GLIS3: variants seen among roughly 807,000 people sequenced by gnomAD.
The protein encoded by GLIS3 is GLIS family zinc finger 3.
In GLIS3, 53 loss-of-function variants were observed where a neutral mutation model predicts 78.6. The observed-to-expected ratio is 0.67, with a 90% CI of 0.54 to 0.85. The LOEUF (loss-of-function observed/expected upper bound fraction) is 0.85, where lower values mean the gene tolerates loss of function less well. Ranked by LOEUF, GLIS3 falls within the 40% of genes least tolerant of loss-of-function variation. GLIS3 has a pLI of 0.00. For synonymous variants in GLIS3, 684 were observed against 509.9 expected (o/e 1.34, Z -4.60); for missense variants, 1,703 against 1,231.1 (o/e 1.38, Z -5.74).
In GLIS3 at chr9:3,983,969, G is replaced by A. The variant is rs539600763; in HGVS notation, c.1711-46780C>T. 1.3e-4 allele frequency among the ~76,000 whole-genome samples: 20 copies of A among 152,352 alleles called. No homozygotes were observed. The East Asian group carries it at 3.7e-3, about 28-fold the overall frequency. ...AAATGTTAATCCCAAAGACAATGGG[G>A]AAAATGTCTCCAGGGCATGTCAGAG... is the stretch of plus-strand genomic sequence containing the variant. On this transcript the variant is annotated intron_variant, in intron 4 of 10. Coordinates refer to ENST00000381971, the MANE Select transcript of GLIS3 (RefSeq NM_001042413.2).
intron 6 of GLIS3, among the ~76,000 whole-genome samples, chr9:3,903,256 T>C (rs1823443324): frequency 6.6e-6 from 1 of 152,212 alleles, no homozygotes; most frequent in African/African-American, 2.4e-5. Context: ...TGAGGCTCAT[T>C]TCTTAAAAAC....
chr9:4,352,465 G>T (rs908549481), upstream of GLIS3, among the ~76,000 whole-genome samples: 2 of 152,262 alleles, frequency 1.3e-5, no homozygotes, highest in East Asian at 3.8e-4. Flanking sequence ...GGCATGGTGG[G>T]GCATCTTTTG....
chr9:3,988,150 T>C (rs1001486066), intron 4 of GLIS3, among the ~76,000 whole-genome samples: 6 of 152,072 alleles, frequency 3.9e-5, no homozygotes, highest in African/African-American at 1.4e-4. Flanking sequence ...AGGAGAGACT[T>C]GTCAACTGTG....
At chr9:4,377,408 G>A in the GLIS3 span, among the ~76,000 whole-genome samples, 1 of 135,718 alleles carries the variant, frequency 7.4e-6, no homozygotes, top group African/African-American at 2.6e-5. Context: ...AGTTACACCA[G>A]TTGTTTGCTG....
chr9:3,836,554 G>T (rs1424446615), intron 9 of GLIS3, among the ~76,000 whole-genome samples: 4 of 152,136 alleles, frequency 2.6e-5, no homozygotes, highest in Non-Finnish European at 5.9e-5. Context: ...ATGGCTCTTT[G>T]TGGATTCCCC....
intron 2 of GLIS3, among the ~76,000 whole-genome samples, chr9:4,273,342 T>G (rs1322130174): frequency 1.3e-5 from 2 of 152,132 alleles, no homozygotes; most frequent in African/African-American, 4.8e-5. Flanking sequence ...TGTCTGTAAT[T>G]CCAGCATTTC....
Position 3,937,117 on chromosome 9 carries a change from T to A in GLIS3, c.1783A>T (p.Lys595Ter). The change falls in exon 5 of 11, where the codon AAG becomes TAG. Residue 595 changes from lysine to a stop codon, truncating the protein, a stop_gained. Transcript: ENST00000381971. LOFTEE classifies it high-confidence loss of function. ...KIHLRSHTGE[K>*]PYLCQHPGCQ... is the part of the protein sequence containing the mutation. ...CCCGGATGCTGGCACAAATACGGCTTCTCGCCTGTGTGGCTCCGCAAGTGG... is the reference window on the plus strand; with the variant it reads ...CCCGGATGCTGGCACAAATACGGCTACTCGCCTGTGTGGCTCCGCAAGTGG... 1 of 1,614,112 alleles carries A rather than the reference T, an allele frequency of 6.2e-7. No homozygotes were observed. The highest frequency in any genetic ancestry group is 8.5e-7 in the Non-Finnish European group (1 of 1,180,022).
intron 8 of GLIS3, among the ~76,000 whole-genome samples, chr9:3,875,020 G>A (rs1821223640): frequency 6.6e-6 from 1 of 152,094 alleles, no homozygotes; most frequent in South Asian, 2.1e-4. Context: ...CAAACTCAGA[G>A]GATTTATTCT....
the GLIS3 span, among the ~76,000 whole-genome samples, chr9:4,465,281 C>T: frequency 6.0e-3 from 910 of 152,368 alleles, 6 homozygotes; most frequent in Non-Finnish European, 9.9e-3. Flanking sequence ...GGCACGGTGG[C>T]TTATGCCTGT....
At chr9:4,349,962 G>T (rs1290319042), upstream of GLIS3, among the ~76,000 whole-genome samples, 1 of 152,210 alleles carries the variant, frequency 6.6e-6, no homozygotes, top group Non-Finnish European at 1.5e-5. Flanking sequence ...GGCTGTGGGT[G>T]GGCAGCCCAG....
chr9:4,274,224 G>A (rs1826784667), intron 2 of GLIS3, among the ~76,000 whole-genome samples: 1 of 152,190 alleles, frequency 6.6e-6, no homozygotes, highest in South Asian at 2.1e-4. Context: ...GAATGTCAAT[G>A]TACACTTGCA....
intron 9 of GLIS3, among the ~76,000 whole-genome samples, chr9:3,832,400 G>C (rs10758483): frequency 0.62 from 94,228 of 151,958 alleles, 29,945 homozygotes; most frequent in African/African-American, 0.76. Flanking sequence ...TGGCATACCC[G>C]CTGTTCCTAG....
intron 4 of GLIS3, among the ~76,000 whole-genome samples, chr9:3,954,298 G>A (rs950066816): frequency 6.6e-6 from 1 of 152,160 alleles, no homozygotes; most frequent in Non-Finnish European, 1.5e-5. Flanking sequence ...GAAGCTCCTC[G>A]ATAAAGAGGC....
intron 2 of GLIS3, among the ~76,000 whole-genome samples, chr9:4,273,286 C>G (rs895444068): frequency 1.1e-4 from 16 of 152,166 alleles, no homozygotes; most frequent in Non-Finnish European, 4.4e-5. Context: ...CCTGCCCTAC[C>G]AGTTTGCCAC....
At chr9:4,341,675 A>T (rs1348272216) in intron 2 of GLIS3, among the ~76,000 whole-genome samples, 2 of 152,244 alleles carry the variant, frequency 1.3e-5, no homozygotes, top group Non-Finnish European at 2.9e-5. Flanking sequence ...TCTTACAACC[A>T]GTGCCTCTGG....
intron 2 of GLIS3, among the ~76,000 whole-genome samples, chr9:4,317,958 A>T (rs142481388): frequency 6.4e-4 from 97 of 152,368 alleles, no homozygotes; most frequent in African/African-American, 2.2e-3. Flanking sequence ...AATATTAAAA[A>T]AGCACATCTA....
At chr9:4,229,242 G>C (rs541189981) in intron 2 of GLIS3, among the ~76,000 whole-genome samples, 2 of 152,182 alleles carry the variant, frequency 1.3e-5, no homozygotes, top group South Asian at 2.1e-4. Flanking sequence ...ATTTGCTTTC[G>C]CTGAAATCGC....
chr9:4,341,313 C>G (rs894321333), intron 2 of GLIS3, among the ~76,000 whole-genome samples: 2 of 152,226 alleles, frequency 1.3e-5, no homozygotes, highest in Non-Finnish European at 2.9e-5. Context: ...AAGATAAGCT[C>G]TATTACCCTG....
chr9:4,486,297 A>C, the GLIS3 span, among the ~76,000 whole-genome samples: 53 of 152,146 alleles, frequency 3.5e-4, no homozygotes, highest in Non-Finnish European at 4.1e-4. Flanking sequence ...TATCTGCGTA[A>C]GATTCAGACC....
Sources: allele counts gnomAD v4.1 joint callset (sites outside exome capture counted in the v4.1 genomes callset), GRCh38; gene constraint gnomAD v4.1.1; transcripts MANE v1.5; gene names NCBI Gene and HGNC (gene_info 2026-07-23, HGNC 2026-07-21).